Variants in ARHGEF4 observed in about 807,000 individuals in gnomAD.
The protein encoded by ARHGEF4 is Rho guanine nucleotide exchange factor 4.
A neutral mutation model predicts 162.0 loss-of-function variants in ARHGEF4; 119 were observed. That is an observed-to-expected ratio of 0.73 (90% CI 0.63 to 0.86). The LOEUF (loss-of-function observed/expected upper bound fraction) is 0.86, where lower values mean the gene tolerates loss of function less well. Among genes scored for constraint, ARHGEF4 ranks in the 40% least tolerant of loss-of-function variants. ARHGEF4 has a pLI of 0.00. For synonymous variants in ARHGEF4, 1,014 were observed against 979.9 expected (o/e 1.03, Z -0.65); for missense variants, 2,488 against 2,456.0 (o/e 1.01, Z -0.28).
At chr2:130,883,164 G>A (rs1367082622) in intron 1 of ARHGEF4, among the ~76,000 whole-genome samples, 5 of 152,078 alleles carry the variant, frequency 3.3e-5, no homozygotes, top group African/African-American at 1.2e-4. Flanking sequence ...GTACTCGGAT[G>A]TAGTGGGCAG....
At chr2:130,911,142 G>T (rs1029298604) in intron 1 of ARHGEF4, among the ~76,000 whole-genome samples, 1 of 152,156 alleles carries the variant, frequency 6.6e-6, no homozygotes, top group South Asian at 2.1e-4. Flanking sequence ...AGGAGGAGGA[G>T]GTGGGATGTG....
At position 130,903,188 on chromosome 2, in the gene ARHGEF4, A is replaced by G. The variant is rs770493479; in HGVS notation, c.40-10798A>G. Among the ~76,000 whole-genome samples, 115 of 148,082 alleles carry G rather than the reference A, an allele frequency of 7.8e-4. 3 individuals are homozygous for G. Among genetic ancestry groups the G allele is most frequent in the Non-Finnish European group, 7.2e-4 (48 of 67,004 alleles). ...TGGTGCCTGTTTTGAAATCCTTGTC[A>G]GATAATGCTAACATCTCTGCTGGTT... On this transcript the variant is annotated intron_variant, in intron 1 of 13. Transcript: ENST00000409359.
At chr2:130,984,546 C>T (rs140153090) in intron 4 of ARHGEF4, among the ~76,000 whole-genome samples, 3,708 of 27,446 alleles carry the variant, frequency 0.14, 128 homozygotes, top group African/African-American at 0.16. Flanking sequence ...CAAAAATTGC[C>T]GGGTGTAGTG....
rs749396177 is a variant in ARHGEF4 at position 131,040,267 on chromosome 2, G to C, written c.4489G>C (p.Val1497Leu). The C allele has an allele frequency of 8.1e-6, 13 of 1,612,642 alleles. No homozygotes were observed. The highest frequency in any genetic ancestry group is 1.1e-5 in the South Asian group (1 of 91,032). The change falls in exon 8 of 14, where the codon GTC (valine) becomes CTC (leucine). Residue 1497 changes from valine (V) to leucine (L), a missense_variant. Around this residue, in one of 6 missense-constraint regions of ARHGEF4, gnomAD observed 415 missense variants for 512.4 expected, o/e 0.81. Coordinates refer to ENST00000409359, the MANE Select transcript of ARHGEF4 (RefSeq NM_001367493.1). ...TAACCACGTCCGCCCGCAGGGCTAC[G>C]TCCGGCAGTGCCGCAAGCGCGCAGA... The part of the protein sequence containing the change: ...KHLRDICEGY[V>L]RQCRKRADMF...
intron 4 of ARHGEF4, among the ~76,000 whole-genome samples, chr2:130,984,549 G>A (rs1428971090): frequency 1.0e-4 from 2 of 19,768 alleles, no homozygotes; most frequent in Admixed American, 2.1e-3. Flanking sequence ...AAATTGCCGG[G>A]TGTAGTGGCT....
intron 4 of ARHGEF4, among the ~76,000 whole-genome samples, chr2:130,966,380 G>A (rs537741347): frequency 6.6e-5 from 10 of 152,296 alleles, no homozygotes; most frequent in South Asian, 2.1e-4. Flanking sequence ...GAGGAATTGC[G>A]GAAACAGGCA....
At chr2:130,930,862 C>G (rs1485453452) in intron 2 of ARHGEF4, 90 bp from the exon 3 acceptor site, 1 of 1,308,606 alleles carries the variant, frequency 7.6e-7, no homozygotes, top group Non-Finnish European at 1.0e-6. Context: ...GTGTTATACC[C>G]AAAAGGAACT....
intron 5 of ARHGEF4, among the ~76,000 whole-genome samples, chr2:131,029,410 T>C (rs1377271151): frequency 6.6e-6 from 1 of 152,054 alleles, no homozygotes; most frequent in Non-Finnish European, 1.5e-5. Flanking sequence ...AAATCCATGG[T>C]GCATAAAAAA....
chr2:130,852,176 G>T (rs1681459354), intron 1 of ARHGEF4, among the ~76,000 whole-genome samples: 1 of 152,228 alleles, frequency 6.6e-6, no homozygotes, highest in African/African-American at 2.4e-5. Context: ...GGCTCAGGCA[G>T]GCCCTCCCTT....
chr2:130,857,163 C>G (rs1267764609), intron 1 of ARHGEF4, among the ~76,000 whole-genome samples: 1 of 151,972 alleles, frequency 6.6e-6, no homozygotes, highest in Non-Finnish European at 1.5e-5. Flanking sequence ...ACCCGGGAGG[C>G]GAAGCTTGCG....
chr2:130,992,436 C>T (rs1488180108), intron 4 of ARHGEF4, among the ~76,000 whole-genome samples: 5 of 151,946 alleles, frequency 3.3e-5, no homozygotes, highest in Non-Finnish European at 1.5e-5. Context: ...AGCGAGACCA[C>T]GAGCCCACCG....
In ARHGEF4 at chr2:131,044,462, C is replaced by G. The variant is rs747310619; in HGVS notation, c.5321C>G (p.Thr1774Ser). The change falls in exon 12 of 14, where the codon ACC (threonine) becomes AGC (serine). Residue 1774 changes from threonine to serine, a missense_variant. By Grantham distance (58) the Thr-to-Ser change is moderately conservative. This residue lies in a region of ARHGEF4 where 415 missense variants were observed against 512.4 expected (regional missense o/e 0.81). Transcript: ENST00000409359. ...GATGDSHLLC[T>S]RKPEQKQRWL... Reference sequence around the variant, plus strand: ...ACAGGGGACAGCCACCTGCTGTGCACCAGGAAGCCCGAGCAGAAGCAGCGC... The same window carrying G: ...ACAGGGGACAGCCACCTGCTGTGCAGCAGGAAGCCCGAGCAGAAGCAGCGC... The G allele has an allele frequency of 1.9e-6, 3 of 1,555,476 alleles. No individual in the cohort carries two copies. The South Asian group carries it at 3.6e-5, about 18-fold the overall frequency.
chr2:130,841,855 A>G (rs898901390), intron 1 of ARHGEF4, among the ~76,000 whole-genome samples: 7 of 152,158 alleles, frequency 4.6e-5, no homozygotes, highest in East Asian at 1.9e-4. Context: ...TGGAGCCACT[A>G]TCAAGCTGAG....
intron 4 of ARHGEF4, among the ~76,000 whole-genome samples, chr2:131,020,222 G>C (rs1434898042): frequency 6.6e-6 from 1 of 151,610 alleles, no homozygotes; most frequent in Non-Finnish European, 1.5e-5. Flanking sequence ...AAGTTTTAGG[G>C]TACATGTGCA....
At chr2:131,035,671 G>C in intron 5 of ARHGEF4, 1 of 987,602 alleles carries the variant, frequency 1.0e-6, no homozygotes, top group Non-Finnish European at 1.2e-6. Context: ...GCACCGCTGC[G>C]CATGTTACCT....
chr2:131,040,226 C>T (rs1190795397), intron 7 of ARHGEF4, 34 bp downstream of exon 7: 4 of 1,609,076 alleles, frequency 2.5e-6, no homozygotes, highest in East Asian at 4.5e-5. Flanking sequence ...GACTGGGGAC[C>T]CGGTCGGGGG....
intron 4 of ARHGEF4, among the ~76,000 whole-genome samples, chr2:131,017,718 T>C (rs1688857327): frequency 6.6e-6 from 1 of 152,212 alleles, no homozygotes; most frequent in African/African-American, 2.4e-5. Flanking sequence ...AGACATATAC[T>C]ATGCTATTCA....
rs1038294421 is a variant in ARHGEF4, at chr2:130,917,479, G to C, written c.3533G>C (p.Arg1178Thr). The change falls in exon 2 of 14, where the codon AGG becomes ACG. Residue 1178 changes from arginine (R) to threonine (T), a missense_variant. Arg to Thr is a moderately conservative substitution (Grantham distance 71). This residue lies in a region of ARHGEF4 where 1,642 missense variants were observed against 1,481.5 expected (regional missense o/e 1.11). Coordinates refer to ENST00000409359, the MANE Select transcript of ARHGEF4 (RefSeq NM_001367493.1). ...PRGLGTVPWLRDLPGSENHMP... is the reference protein window; with the variant it reads ...PRGLGTVPWLTDLPGSENHMP... ...GGCTTGGGCACAGTGCCCTGGCTCA[G>C]GGACCTTCCTGGGAGTGAGGTGAGT... The C allele has an allele frequency of 1.9e-6, 3 of 1,549,818 alleles. No individual in the cohort carries two copies. Among genetic ancestry groups the C allele is most frequent in the Admixed American group, 3.9e-5 (2 of 50,910 alleles).
At chr2:130,868,483 C>G (rs1166380266) in intron 1 of ARHGEF4, among the ~76,000 whole-genome samples, 2 of 151,950 alleles carry the variant, frequency 1.3e-5, no homozygotes, top group African/African-American at 4.8e-5. Context: ...GGCAGGTGTT[C>G]CAGGTGCAGA....
Sources: allele counts gnomAD v4.1 joint callset (sites outside exome capture counted in the v4.1 genomes callset), GRCh38; gene constraint gnomAD v4.1.1; regional missense constraint gnomAD v4.1.1; transcripts MANE v1.5; gene names NCBI Gene and HGNC (gene_info 2026-07-23, HGNC 2026-07-21).